Variants in MYO1H observed in about 807,000 individuals in gnomAD.
The protein encoded by MYO1H is myosin IH.
In MYO1H, 118 loss-of-function variants were observed where a neutral mutation model predicts 149.3. The ratio of observed to expected loss-of-function variants is 0.79; its 90% CI spans 0.68 to 0.92. The LOEUF is 0.92. Ranked by LOEUF, MYO1H falls within the 40% of genes least tolerant of loss-of-function variation. MYO1H has a pLI of 0.00. For missense variants in MYO1H, 1,212 were observed against 1,280.7 expected, an observed-to-expected ratio of 0.95 and a Z score of 0.82; for synonymous variants, 447 against 465.2, an observed-to-expected ratio of 0.96 and a Z score of 0.50.
rs150233595 is a variant in MYO1H, at chr12:109,349,497, C to CCCCA, written c.12+1525_12+1526insCCCA. Among the ~76,000 whole-genome samples, 491 of 144,468 alleles carry CCCCA rather than the reference C, an allele frequency of 3.4e-3. 10 individuals carry two copies. The highest frequency in any genetic ancestry group is 0.012 in the African/African-American group (460 of 37,518). 94.8% of individuals were successfully genotyped at this position (144,468 alleles called of 152,430 possible). Reference sequence around the variant, plus strand: ...GAGCAACATAGTGTGACCCCCCCACCAAAAAAATTAAAAAGTAGCTAGATA... The same window carrying CCCCA: ...GAGCAACATAGTGTGACCCCCCCACCCCCAAAAAAAATTAAAAAGTAGCTAGATA... On this transcript the variant is annotated intron_variant, in intron 1 of 31. Coordinates refer to ENST00000310903, the Ensembl canonical transcript of MYO1H.
the MYO1H span, among the ~76,000 whole-genome samples, chr12:109,333,465 G>A: frequency 6.6e-6 from 1 of 151,992 alleles, no homozygotes; most frequent in Non-Finnish European, 1.5e-5. Context: ...TTCTCCATAG[G>A]CACCAGTCTC....
At chr12:109,418,718 T>C (rs1871039247) in intron 15 of MYO1H, among the ~76,000 whole-genome samples, 1 of 152,056 alleles carries the variant, frequency 6.6e-6, no homozygotes, top group Admixed American at 6.6e-5. Context: ...TAGTTTTTTG[T>C]ATTTTTTAGT....
intron 25 of MYO1H, 72 bp downstream of exon 25, chr12:109,440,899 C>T: frequency 1.8e-6 from 2 of 1,088,842 alleles, no homozygotes; most frequent in Non-Finnish European, 2.7e-6. Context: ...GTCAGTCCTC[C>T]TCATCCACCA....
At chr12:109,395,830 C>T (rs1364357507) in intron 3 of MYO1H, among the ~76,000 whole-genome samples, 2 of 151,482 alleles carry the variant, frequency 1.3e-5, no homozygotes, top group African/African-American at 2.4e-5. Context: ...GTCAGTGGGT[C>T]GTGGTAGAGG....
chr12:109,358,636 C>G (rs961056774), intron 1 of MYO1H, among the ~76,000 whole-genome samples: 7 of 152,084 alleles, frequency 4.6e-5, no homozygotes, highest in Non-Finnish European at 8.8e-5. Context: ...AAGCCAGTTC[C>G]TATTCTGACT....
chr12:109,428,799 AC>A (rs1381506494), intron 19 of MYO1H, among the ~76,000 whole-genome samples: 10 of 124,292 alleles, frequency 8.0e-5, no homozygotes, highest in Non-Finnish European at 1.8e-4. Flanking sequence ...TGCCCACCTC[AC>A]CCCCCTCCAA....
intron 1 of MYO1H, among the ~76,000 whole-genome samples, chr12:109,382,973 C>T (rs1269541896): frequency 6.6e-6 from 1 of 151,100 alleles, no homozygotes; most frequent in Non-Finnish European, 1.5e-5. Context: ...AGTACACAGA[C>T]AATGACAATA....
intron 19 of MYO1H, among the ~76,000 whole-genome samples, chr12:109,431,299 G>A (rs914699871): frequency 1.3e-5 from 2 of 151,732 alleles, no homozygotes; most frequent in African/African-American, 4.8e-5. Flanking sequence ...AGAATGGCGT[G>A]AACCTGGGAG....
chr12:109,350,210 C>G (rs536070361), intron 1 of MYO1H, among the ~76,000 whole-genome samples: 1 of 152,126 alleles, frequency 6.6e-6, no homozygotes, highest in Admixed American at 6.5e-5. Flanking sequence ...TTATGCAAAT[C>G]ATCTGGGCAG....
chr12:109,318,923 G>A, the MYO1H span, among the ~76,000 whole-genome samples: 2 of 144,736 alleles, frequency 1.4e-5, no homozygotes, highest in Non-Finnish European at 3.0e-5. Flanking sequence ...AGTGAGGGGA[G>A]GGGAAATCAG....
At chr12:109,396,836 T>C (rs868143707) in intron 4 of MYO1H, among the ~76,000 whole-genome samples, 11 of 135,094 alleles carry the variant, frequency 8.1e-5, no homozygotes, top group Middle Eastern at 3.7e-3. Flanking sequence ...TTTTTTTTTT[T>C]TTTTTTTTGA....
chr12:109,349,795 C>T (rs1253751860), intron 1 of MYO1H, among the ~76,000 whole-genome samples: 1 of 151,096 alleles, frequency 6.6e-6, no homozygotes, highest in African/African-American at 2.4e-5. Context: ...CCCGTCTCTA[C>T]TAAAAATACA....
the MYO1H span, among the ~76,000 whole-genome samples, chr12:109,342,374 A>C: frequency 6.6e-6 from 1 of 151,690 alleles, no homozygotes; most frequent in Non-Finnish European, 1.5e-5. Context: ...TGAACTCCTG[A>C]CCTCAAGTGA....
the MYO1H span, among the ~76,000 whole-genome samples, chr12:109,317,726 C>A: frequency 3.3e-5 from 5 of 152,106 alleles, no homozygotes; most frequent in East Asian, 9.6e-4. Flanking sequence ...AAGGCTTATC[C>A]CTGAACCCAG....
At chr12:109,350,431 G>A (rs1303617642) in intron 1 of MYO1H, among the ~76,000 whole-genome samples, 1 of 152,102 alleles carries the variant, frequency 6.6e-6, no homozygotes, top group Non-Finnish European at 1.5e-5. Flanking sequence ...GAGATCTGAT[G>A]GTCTTATAAG....
chr12:109,427,401 T>G, intron 18 of MYO1H, 68 bp from the exon 19 acceptor site: 12 of 1,002,968 alleles, frequency 1.2e-5, no homozygotes, highest in Non-Finnish European at 1.7e-5. Context: ...TTGCAGCCTG[T>G]GATCTGCCTT....
At chr12:109,414,277 A>G (rs1219035062) in intron 14 of MYO1H, among the ~76,000 whole-genome samples, 3 of 151,964 alleles carry the variant, frequency 2.0e-5, no homozygotes, top group African/African-American at 7.2e-5. Flanking sequence ...GGAGTTCAAG[A>G]CCAGCCTGGC....
rs576642534 is a variant in MYO1H, at chr12:109,363,574, C to T, written c.12+15602C>T. Among the ~76,000 whole-genome samples the T allele has an allele frequency of 3.3e-5, 5 of 152,082 alleles. No individual in the cohort carries two copies. The South Asian group carries it at 8.3e-4, about 25-fold the overall frequency. On this transcript the variant is annotated intron_variant, in intron 1 of 31. Transcript: ENST00000310903. ...CTAAAAATACAAAATTAGCTGCGTA[C>T]GGTGGTGCATGCCTGTAATCCCAGC...
chr12:109,394,824 C>T (rs964404950), intron 3 of MYO1H, among the ~76,000 whole-genome samples: 2 of 152,124 alleles, frequency 1.3e-5, no homozygotes, highest in African/African-American at 4.8e-5. Flanking sequence ...AGCAGTGACA[C>T]AGTAATGGAT....
Sources: gnomAD v4.1 joint callset for allele counts (sites outside exome capture counted in the v4.1 genomes callset) on GRCh38, gnomAD v4.1.1 for gene constraint, MANE v1.5 for transcripts, NCBI Gene and HGNC (gene_info 2026-07-23, HGNC 2026-07-21) for gene names.